CARF: variants seen among roughly 807,000 people sequenced by gnomAD.
CARF encodes calcium-responsive transcription factor.
Under a neutral mutation model 82.0 loss-of-function variants are expected in CARF, and 57 were observed. The ratio of observed to expected loss-of-function variants is 0.70; its 90% confidence interval spans 0.56 to 0.87. The LOEUF is 0.87. Ranked by LOEUF, CARF falls within the 40% of genes least tolerant of loss-of-function variation. The pLI, the probability that CARF is intolerant of heterozygous loss-of-function variation, is 0.00. For missense variants in CARF, 771 were observed against 855.8 expected (o/e 0.90, Z 1.24); for synonymous variants, 268 against 290.1 (o/e 0.92, Z 0.77).
intron 3 of CARF, among the ~76,000 whole-genome samples, chr2:202,932,483 C>T (rs571619397): frequency 4.5e-4 from 69 of 151,942 alleles, no homozygotes; most frequent in Non-Finnish European, 6.3e-4. Flanking sequence ...CCTAGGGGAA[C>T]GGAGGGGGTA....
intron 5 of CARF, among the ~76,000 whole-genome samples, chr2:202,952,242 T>C (rs1458836605): frequency 2.0e-5 from 3 of 152,166 alleles, no homozygotes; most frequent in Non-Finnish European, 4.4e-5. Context: ...AAAAGGTAAA[T>C]GTATTACATC....
intron 12 of CARF, among the ~76,000 whole-genome samples, chr2:202,972,329 C>T (rs1419622211): frequency 6.6e-6 from 1 of 151,810 alleles, no homozygotes; most frequent in African/African-American, 2.4e-5. Context: ...GTATATTTAT[C>T]CCAATTCTAC....
intron 3 of CARF, among the ~76,000 whole-genome samples, chr2:202,930,037 G>A (rs1692592382): frequency 6.6e-6 from 1 of 151,940 alleles, no homozygotes; most frequent in African/African-American, 2.4e-5. Context: ...CATTCAATGT[G>A]TGTGGGGGGT....
chr2:202,929,778 A>C (rs1692534379), intron 3 of CARF, among the ~76,000 whole-genome samples: 1 of 151,836 alleles, frequency 6.6e-6, no homozygotes, highest in South Asian at 2.1e-4. Context: ...TTTTTTTAAG[A>C]GATAGGGTCT....
At chr2:202,924,813 G>A (rs1404888257) in intron 3 of CARF, 1 of 183,288 alleles carries the variant, frequency 5.5e-6, no homozygotes, top group African/African-American at 2.4e-5. Flanking sequence ...TGCCAGGTCT[G>A]GTGGTATGGA....
intron 1 of CARF, among the ~76,000 whole-genome samples, chr2:202,914,779 C>CAAA (rs1251429747): frequency 3.7e-4 from 15 of 41,078 alleles, no homozygotes; most frequent in Middle Eastern, 0.014. Context: ...AACTCCATCT[C>CAAA]AAAAAAAAAA....
Position 202,980,870 on chromosome 2 carries a change from G to A in CARF, c.1559-685G>A, listed in dbSNP as rs529431598. Among the ~76,000 whole-genome samples the A allele has an allele frequency of 4.6e-5, 7 of 151,764 alleles. No homozygotes were observed. In the South Asian group the frequency reaches 1.3e-3, roughly 27 times the overall value. ...GGATTTAAAGTTTGTGGGAGGATAT[G>A]CTTAGATTTTATGCAAATACGATGC... On this transcript the variant is annotated intron_variant, in intron 14 of 16. Transcript: ENST00000438828.
intron 9 of CARF, 140 bp downstream of exon 9, chr2:202,961,566 GA>G (rs1377728901): frequency 4.5e-6 from 3 of 671,962 alleles, no homozygotes; most frequent in South Asian, 2.0e-5. Flanking sequence ...ATATTAAATT[GA>G]AAAAACTTAT....
chr2:202,944,376 A>T (rs1476143936), intron 5 of CARF, among the ~76,000 whole-genome samples: 1 of 152,192 alleles, frequency 6.6e-6, no homozygotes, highest in East Asian at 1.9e-4. Context: ...TATTACTTTC[A>T]TAATAAAATT....
At chr2:202,921,848 T>TG (rs1165033408) in intron 2 of CARF, among the ~76,000 whole-genome samples, 1 of 151,862 alleles carries the variant, frequency 6.6e-6, no homozygotes, top group Non-Finnish European at 1.5e-5. Context: ...TTTCCTGAGA[T>TG]GGGGTCTCAC....
In CARF at chr2:202,966,346, A is replaced by G. The variant is rs186720984; in HGVS notation, c.833-632A>G. Among the ~76,000 whole-genome samples, 21 of 152,334 alleles carry G rather than the reference A, an allele frequency of 1.4e-4. No individual in the cohort carries two copies. In the East Asian group the frequency reaches 3.1e-3, roughly 22 times the overall value. ...CAAGAAAATAATTATAAAAGGAAAT[A>G]AAAATTTAAATGATACCAATATTTA... On this transcript the variant is annotated intron_variant, in intron 9 of 16. Transcript: ENST00000438828.
At chr2:202,976,730 T>TC (rs1225435729) in intron 13 of CARF, among the ~76,000 whole-genome samples, 2 of 151,502 alleles carry the variant, frequency 1.3e-5, no homozygotes, top group Non-Finnish European at 2.9e-5. Flanking sequence ...TTTTTTTTTT[T>TC]TGAGATAGAG....
chr2:202,968,949 G>A (rs543749176), intron 10 of CARF, among the ~76,000 whole-genome samples: 1 of 152,134 alleles, frequency 6.6e-6, no homozygotes, highest in East Asian at 1.9e-4. Context: ...ATTTGGGTGG[G>A]TAGAGAGTTA....
Position 202,987,059 on chromosome 2 carries a change from C to A in CARF, c.*3435C>A, listed in dbSNP as rs1196401085. The A allele has an allele frequency of 6.7e-6, 1 of 149,870 alleles. No homozygotes were observed. The highest frequency in any genetic ancestry group is 1.5e-5 in the Non-Finnish European group (1 of 67,606). 9.3% of individuals were successfully genotyped at this position (149,870 alleles called of 1,614,324 possible). A position where few individuals can be genotyped will look rare whatever the true frequency, so the allele number is the denominator to read the frequency against. On this transcript the variant is annotated 3_prime_UTR_variant, in exon 17 of 17. Transcript: ENST00000438828. ...AAGATGCTGAATAAACACTTGAATA[C>A]CCGAGAATTTTGGCCAGAGATTTAT... is the stretch of plus-strand genomic sequence containing the variant.
intron 3 of CARF, among the ~76,000 whole-genome samples, chr2:202,931,780 G>T (rs1256642314): frequency 2.0e-5 from 3 of 152,106 alleles, no homozygotes; most frequent in South Asian, 2.1e-4. Flanking sequence ...CAATAACTGG[G>T]TGCTCATTCT....
intron 16 of CARF, among the ~76,000 whole-genome samples, chr2:202,983,151 C>T (rs1021902877): frequency 1.3e-5 from 2 of 152,080 alleles, no homozygotes. Flanking sequence ...ACTCCTCACG[C>T]AGTGAGCCAC....
intron 1 of CARF, among the ~76,000 whole-genome samples, chr2:202,913,953 T>C (rs532879146): frequency 2.2e-4 from 34 of 152,160 alleles, no homozygotes; most frequent in Non-Finnish European, 4.6e-4. Flanking sequence ...TTGACTAAAA[T>C]ACACTTTTCA....
At chr2:202,983,480 T>C in intron 16 of CARF, 26 bp from the exon 17 acceptor site, 3 of 1,383,654 alleles carry the variant, frequency 2.2e-6, no homozygotes, top group Non-Finnish European at 3.0e-6. Flanking sequence ...GATTAACTTT[T>C]AGGATTTTTC....
chr2:202,948,992 A>G (rs1254949003), intron 5 of CARF, among the ~76,000 whole-genome samples: 2 of 152,262 alleles, frequency 1.3e-5, no homozygotes, highest in South Asian at 2.1e-4. Flanking sequence ...TTTGTTAGCT[A>G]AGCATCTTGT....
Sources: gnomAD v4.1 joint callset for allele counts (sites outside exome capture counted in the v4.1 genomes callset) on GRCh38, gnomAD v4.1.1 for gene constraint, MANE v1.5 for transcripts, NCBI Gene and HGNC (gene_info 2026-07-23, HGNC 2026-07-21) for gene names.